Variants in SPAG16 observed in about 807,000 individuals in gnomAD.
SPAG16 encodes sperm associated antigen 16.
Under a neutral mutation model 80.4 loss-of-function variants are expected in SPAG16, and 86 were observed. That is an observed-to-expected ratio of 1.07 (90% CI 0.90 to 1.28). SPAG16 has a LOEUF of 1.28. Among genes scored for constraint, SPAG16 ranks in the 50% most tolerant of loss-of-function variants. The pLI, the probability that SPAG16 is intolerant of heterozygous loss-of-function variation, is 0.00. For missense variants in SPAG16, 870 were observed against 765.3 expected (o/e 1.14, Z -1.61); for synonymous variants, 294 against 265.9 (o/e 1.11, Z -1.03).
chr2:213,428,480 G>C (rs1014135171), intron 9 of SPAG16, among the ~76,000 whole-genome samples: 1 of 152,174 alleles, frequency 6.6e-6, no homozygotes, highest in African/African-American at 2.4e-5. Flanking sequence ...TGATCTAGCA[G>C]CAGTGGCAGA....
intron 7 of SPAG16, among the ~76,000 whole-genome samples, chr2:213,356,657 T>C (rs2065671197): frequency 6.6e-6 from 1 of 152,152 alleles, no homozygotes; most frequent in South Asian, 2.1e-4. Flanking sequence ...TTATTAGTCT[T>C]GTTAGTGGTC....
intron 10 of SPAG16, among the ~76,000 whole-genome samples, chr2:213,582,178 G>A (rs1056000015): frequency 1.3e-4 from 19 of 151,984 alleles, no homozygotes; most frequent in African/African-American, 4.3e-4. Flanking sequence ...ATCTACATGT[G>A]GTAACTTTGA....
At chr2:214,197,675 T>C (rs1346592503) in intron 15 of SPAG16, among the ~76,000 whole-genome samples, 1 of 152,008 alleles carries the variant, frequency 6.6e-6, no homozygotes, top group Non-Finnish European at 1.5e-5. Flanking sequence ...AGGTATTTTC[T>C]CAGATTTTTG....
intron 9 of SPAG16, among the ~76,000 whole-genome samples, chr2:213,445,861 T>G (rs2071276366): frequency 6.6e-6 from 1 of 152,102 alleles, no homozygotes; most frequent in Non-Finnish European, 1.5e-5. Flanking sequence ...GAATGTAAAT[T>G]AACACAGCTA....
At chr2:213,679,040 A>G (rs1194581099) in intron 10 of SPAG16, among the ~76,000 whole-genome samples, 2 of 152,198 alleles carry the variant, frequency 1.3e-5, no homozygotes, top group East Asian at 1.9e-4. Flanking sequence ...TCAGGCATGC[A>G]CCAGACATCC....
intron 10 of SPAG16, among the ~76,000 whole-genome samples, chr2:213,679,576 T>C (rs1167046415): frequency 2.6e-5 from 4 of 152,176 alleles, no homozygotes; most frequent in African/African-American, 9.6e-5. Context: ...TTCCTACTTA[T>C]TTTGTTCTAA....
At chr2:213,959,704 C>A (rs77296797) in intron 12 of SPAG16, among the ~76,000 whole-genome samples, 1 of 152,158 alleles carries the variant, frequency 6.6e-6, no homozygotes, top group Admixed American at 6.5e-5. Context: ...CTTTGGAATT[C>A]CAGTCAGCCT....
At chr2:214,062,877 T>C (rs2050344952) in intron 13 of SPAG16, among the ~76,000 whole-genome samples, 1 of 152,158 alleles carries the variant, frequency 6.6e-6, no homozygotes. Flanking sequence ...ACATCTCCTA[T>C]GATTCTCCTA....
At chr2:213,911,137 A>T (rs1006317965) in intron 11 of SPAG16, among the ~76,000 whole-genome samples, 1 of 152,146 alleles carries the variant, frequency 6.6e-6, no homozygotes, top group Non-Finnish European at 1.5e-5. Flanking sequence ...GTCATTTTCA[A>T]TAGAAACAAG....
chr2:214,341,494 G>T (rs1357645801), intron 15 of SPAG16, among the ~76,000 whole-genome samples: 1 of 152,128 alleles, frequency 6.6e-6, no homozygotes, highest in Admixed American at 6.6e-5. Flanking sequence ...TGCAGAGAAG[G>T]AAACTTGTAA....
rs539501343 is a variant in SPAG16 at position 213,960,286 on chromosome 2, T to C, written c.1400+30141T>C. On this transcript the variant is annotated intron_variant, in intron 12 of 15. Coordinates refer to ENST00000331683, the MANE Select transcript of SPAG16 (RefSeq NM_024532.5). ...TTTTTTGTTTATTCTTTTTTTGCTT[T>C]CTCCACTTCTTCTTTTAGTTATTTG... Among the ~76,000 whole-genome samples the C allele has an allele frequency of 3.9e-5, 6 of 152,290 alleles. No homozygotes were observed. The South Asian group carries it at 6.2e-4, about 16-fold the overall frequency.
chr2:214,152,056 G>A (rs1039299831), intron 15 of SPAG16, among the ~76,000 whole-genome samples: 1 of 152,088 alleles, frequency 6.6e-6, no homozygotes. Flanking sequence ...TTATAAATAA[G>A]GGATTTCTTA....
At chr2:213,513,661 G>T (rs1469305930) in intron 10 of SPAG16, among the ~76,000 whole-genome samples, 1 of 152,206 alleles carries the variant, frequency 6.6e-6, no homozygotes, top group Non-Finnish European at 1.5e-5. Context: ...TTCAGAGCTA[G>T]ATGCAAGGAA....
chr2:213,980,028 C>A lies in SPAG16; in HGVS notation c.1401-33923C>A, dbSNP rs957720100. 6.6e-5 allele frequency among the ~76,000 whole-genome samples: 10 copies of A among 151,670 alleles called. No homozygotes were observed. In the South Asian group the frequency reaches 1.5e-3, roughly 22 times the overall value. On this transcript the variant is annotated intron_variant, in intron 12 of 15. Transcript: ENST00000331683. Reference sequence around the variant, plus strand: ...TAAACATGTATGGCATTGCCTATAGCATCATGAAAGAACCAGACTTACTGA... The same window carrying A: ...TAAACATGTATGGCATTGCCTATAGAATCATGAAAGAACCAGACTTACTGA...
At position 213,664,748 on chromosome 2, in the gene SPAG16, A is replaced by G. The variant is rs556135843; in HGVS notation, c.1070+174658A>G. The stretch of plus-strand genomic sequence containing the variant: ...GAAACACTAAGAAATTTCTATTATT[A>G]CTCTGACTTTTTCACCTCAAATATT... On this transcript the variant is annotated intron_variant, in intron 10 of 15. Transcript: ENST00000331683. Among the ~76,000 whole-genome samples, 20 of 151,964 alleles carry G rather than the reference A, an allele frequency of 1.3e-4. 2 individuals are homozygous for G. Among genetic ancestry groups the G allele is most frequent in the African/African-American group, 4.6e-4 (19 of 41,488 alleles).
At chr2:214,387,232 G>C (rs1444138980) in intron 15 of SPAG16, among the ~76,000 whole-genome samples, 2 of 151,990 alleles carry the variant, frequency 1.3e-5, no homozygotes, top group Non-Finnish European at 2.9e-5. Context: ...TATTGGTAAG[G>C]CATTCTATTG....
intron 12 of SPAG16, among the ~76,000 whole-genome samples, chr2:213,996,801 C>G (rs1016204906): frequency 6.6e-6 from 1 of 152,078 alleles, no homozygotes; most frequent in African/African-American, 2.4e-5. Context: ...AACTCCTGAC[C>G]TCGTGATCTG....
chr2:214,086,278 C>T (rs528634775), intron 13 of SPAG16, among the ~76,000 whole-genome samples: 13 of 152,164 alleles, frequency 8.5e-5, no homozygotes, highest in South Asian at 8.3e-4. Context: ...TCTTTTTCTT[C>T]GAAACTTCAT....
At chr2:213,812,967 T>G (rs1275353899) in intron 10 of SPAG16, among the ~76,000 whole-genome samples, 1 of 152,176 alleles carries the variant, frequency 6.6e-6, no homozygotes, top group African/African-American at 2.4e-5. Context: ...AGCCTTCAAT[T>G]CATAGTCTAA....
Sources: gnomAD v4.1 joint callset for allele counts (sites outside exome capture counted in the v4.1 genomes callset) on GRCh38, gnomAD v4.1.1 for gene constraint, MANE v1.5 for transcripts, NCBI Gene and HGNC (gene_info 2026-07-23, HGNC 2026-07-21) for gene names.